The following NOC2L variants were observed in gnomAD, a reference collection of about 807,000 sequenced individuals.
NOC2L encodes nucleolar complex protein 2 homolog.
In NOC2L, 101 loss-of-function variants were observed where a neutral mutation model predicts 94.2. The observed-to-expected ratio is 1.07, with a 90% CI of 0.91 to 1.26. The LOEUF (loss-of-function observed/expected upper bound fraction) is 1.26, where lower values mean the gene tolerates loss of function less well. NOC2L is among the 50% of genes most tolerant of loss of function. The pLI, the probability that NOC2L is intolerant of heterozygous loss-of-function variation, is 0.00. For missense variants in NOC2L, 1,076 were observed against 980.1 expected (o/e 1.10, Z -1.31); for synonymous variants, 531 against 413.4 (o/e 1.28, Z -3.45).
chr1:957,554 G>GTGCCTGTGCCCTGCGCTACTTT (rs1642447221), intron 2 of NOC2L: 2 of 429,434 alleles, frequency 4.7e-6, no homozygotes, highest in African/African-American at 3.9e-5. Flanking sequence ...TGGACTTGCT[G>GTGCCTGTGCCCTGCGCTACTTT]TGCCTGTGCC....
intron 14 of NOC2L, among the ~76,000 whole-genome samples, 187 bp downstream of exon 14, chr1:947,944 C>A (rs1642161681): frequency 6.6e-6 from 1 of 152,178 alleles, no homozygotes; most frequent in Non-Finnish European, 1.5e-5. Flanking sequence ...GCCCCCAAAC[C>A]TCCTGAATGG....
At chr1:957,717 G>T (rs546429848) in intron 2 of NOC2L, 57 of 171,118 alleles carry the variant, frequency 3.3e-4, no homozygotes, top group Non-Finnish European at 6.2e-4. Context: ...CCACCACATA[G>T]TTCAATTCTC....
intron 13 of NOC2L, 115 bp downstream of exon 13, chr1:948,375 G>T: frequency 1.9e-6 from 2 of 1,032,686 alleles, no homozygotes; most frequent in South Asian, 1.4e-5. Flanking sequence ...AGCCCTGGGA[G>T]ACCATGAAGG....
chr1:951,385 C>A, intron 11 of NOC2L, 147 bp from the exon 12 acceptor site: 1 of 649,184 alleles, frequency 1.5e-6, no homozygotes, highest in East Asian at 2.7e-5. Context: ...GACCTGCACC[C>A]CTTGCCCAGC....
chr1:945,468 C>A (rs200515386), intron 17 of NOC2L, 50 bp downstream of exon 17: 1 of 1,605,898 alleles, frequency 6.2e-7, no homozygotes, highest in African/African-American at 1.3e-5. Flanking sequence ...GGAAGTCCAG[C>A]AGAGCCCTCC....
At chr1:952,239 C>T in intron 10 of NOC2L, 100 bp from the exon 11 acceptor site, 4 of 1,460,230 alleles carry the variant, frequency 2.7e-6, no homozygotes, top group Non-Finnish European at 3.8e-6. Flanking sequence ...TCATCTTGCA[C>T]ACGGGGTCTC....
intron 13 of NOC2L, 103 bp from the exon 14 acceptor site, chr1:948,335 C>T (rs547278409): frequency 1.2e-5 from 14 of 1,129,026 alleles, no homozygotes; most frequent in South Asian, 6.8e-5. Flanking sequence ...CTCCAGGGCA[C>T]GGACTGCAAG....
intron 2 of NOC2L, chr1:958,564 C>T: frequency 2.2e-6 from 1 of 453,046 alleles, no homozygotes; most frequent in South Asian, 1.8e-5. Context: ...CTCCTTCTAA[C>T]AGAGCAACTC....
At chr1:953,733 TG>T in intron 8 of NOC2L, 48 bp downstream of exon 8, 1 of 1,366,778 alleles carries the variant, frequency 7.3e-7, no homozygotes, top group South Asian at 1.2e-5. Context: ...GGTAGCCGTG[TG>T]GCCCCCCGAC....
In NOC2L at chr1:946,195, A is replaced by C. The variant is rs756597480; in HGVS notation, c.1895T>G (p.Leu632Arg). Residue 632 changes from leucine (L) to arginine (R), a missense_variant, in exon 16 of 19, where the codon CTG (leucine) becomes CGG (arginine). Leu to Arg is a moderately radical substitution (Grantham distance 102). Coordinates refer to ENST00000327044, the MANE Select transcript of NOC2L (RefSeq NM_015658.4). ...WRKLRDREIQLEISGKERLED... is the reference protein window; with the variant it reads ...WRKLRDREIQREISGKERLED... ...CACCCGCTCTTTGCCACTGATCTCC[A>C]GCTGGATCTCCCGGTCACGCAGCTT... is the stretch of plus-strand genomic sequence containing the variant. 1 of 1,612,770 alleles carries C rather than the reference A, an allele frequency of 6.2e-7. No homozygotes were observed.
At chr1:957,813 C>T (rs1642455385) in intron 2 of NOC2L, 2 of 159,670 alleles carry the variant, frequency 1.3e-5, no homozygotes, top group Non-Finnish European at 2.8e-5. Flanking sequence ...CCCTGTTTTA[C>T]GAGGCAATCT....
chr1:946,492 C>T lies in NOC2L; in HGVS notation c.1713G>A (p.Gln571=), dbSNP rs780911631. Residue 571 remains glutamine, a synonymous_variant, in exon 15 of 19, where the codon CAG becomes CAA. Coordinates refer to ENST00000327044, the MANE Select transcript of NOC2L (RefSeq NM_015658.4). ...TCTCCTGAACCTTCCCAAGCAGCTG[C>T]TGCACCTGCCGGCAGTAGTTGGCCA... ...CKVANYCRQV[Q]QLLGKVQENS... is the part of the protein sequence containing the mutation. 72 of 1,613,270 alleles carry T rather than the reference C, an allele frequency of 4.5e-5. No individual in the cohort carries two copies. Among genetic ancestry groups the T allele is most frequent in the Non-Finnish European group, 6.0e-5 (71 of 1,179,994 alleles).
In NOC2L at chr1:954,004, C is replaced by G. The variant is rs927491400; in HGVS notation, c.777G>C (p.Gln259His). Residue 259 changes from glutamine (Q) to histidine (H), a missense_variant and splice_region_variant, in exon 7 of 19, where the codon CAG (glutamine) becomes CAC (histidine). By Grantham distance (24) the Gln-to-His change is conservative. Coordinates refer to ENST00000327044, the MANE Select transcript of NOC2L (RefSeq NM_015658.4). ...DIKAYLGSAI[Q>H]LVSCLSETTV... ...CGTGCCCTCCCCACCAGAATAGCAC[C>G]TGTATGGCCGAGCCCAGGTAAGCCT... The G allele has an allele frequency of 6.2e-7, 1 of 1,605,704 alleles. No individual in the cohort carries two copies. Among genetic ancestry groups the G allele is most frequent in the African/African-American group, 1.3e-5 (1 of 74,834 alleles).
intron 13 of NOC2L, 62 bp from the exon 14 acceptor site, chr1:948,294 C>CAG: frequency 7.2e-7 from 1 of 1,387,208 alleles, no homozygotes; most frequent in Non-Finnish European, 1.0e-6. Context: ...CACTCAGGCC[C>CAG]CTTCCCCTCA....
At chr1:948,255 G>A (rs771838530) in intron 13 of NOC2L, 23 bp from the exon 14 acceptor site, 23 of 1,539,828 alleles carry the variant, frequency 1.5e-5, no homozygotes, top group African/African-American at 4.1e-5. Flanking sequence ...AGAGAGGGCC[G>A]AGTGCATCAG....
In NOC2L at chr1:944,741, C is replaced by T. The variant is rs961028131; in HGVS notation, c.2203G>A (p.Gly735Arg). Residue 735 changes from glycine to arginine, a missense_variant, in exon 19 of 19, where the codon GGG (glycine) becomes AGG (arginine). Gly to Arg is a moderately radical substitution (Grantham distance 125, BLOSUM62 -2). Transcript: ENST00000327044. ...AGATCCTCCAGCTCGTCCTCCGGCC[C>T]CTGGGCCAGCTGCTGCAGCTCCCCA... ...APGELQQLAQ[G>R]PEDELEDLQL... is the part of the protein sequence containing the mutation. 1.2e-6 allele frequency: 2 copies of T among 1,600,954 alleles called. No homozygotes were observed. The highest frequency in any genetic ancestry group is 2.7e-5 in the African/African-American group (2 of 74,846).
At position 952,336 on chromosome 1, in the gene NOC2L, G is replaced by A. The variant is rs978808192; in HGVS notation, c.1191+76C>T. 5 of 1,551,676 alleles carry A rather than the reference G, an allele frequency of 3.2e-6. No individual in the cohort carries two copies. The East Asian group carries it at 6.8e-5, about 21-fold the overall frequency. ...AGACAGGGGCTTCGGGGAGGCCCCA[G>A]GCCCTGCCTTGGGTCGGGCACCTGG... On this transcript the variant is annotated intron_variant, in intron 10 of 18. Coordinates refer to ENST00000327044, the MANE Select transcript of NOC2L (RefSeq NM_015658.4).
Position 945,048 on chromosome 1 carries a change from A to C in NOC2L, c.2143+9T>G. 1 of 1,613,866 alleles carries C rather than the reference A, an allele frequency of 6.2e-7. No individual in the cohort carries two copies. The highest frequency in any genetic ancestry group is 8.5e-7 in the Non-Finnish European group (1 of 1,179,892). On this transcript the variant is annotated intron_variant, in intron 18 of 18. Coordinates refer to ENST00000327044, the MANE Select transcript of NOC2L (RefSeq NM_015658.4). The stretch of plus-strand genomic sequence containing the variant: ...CAGGGCCACACCCTCTCACCCCAAG[A>C]CCATTCACCCTCCGAGTTGCTGCTG...
chr1:946,060 C>T (rs1642099200), intron 16 of NOC2L, 113 bp downstream of exon 16: 3 of 802,136 alleles, frequency 3.7e-6, no homozygotes, highest in Admixed American at 2.4e-5. Context: ...CGGGCACGGC[C>T]CTGGCCGCCT....
Sources: gnomAD v4.1 joint callset for allele counts (sites outside exome capture counted in the v4.1 genomes callset) on GRCh38, gnomAD v4.1.1 for gene constraint, MANE v1.5 for transcripts, NCBI Gene and HGNC (gene_info 2026-07-23, HGNC 2026-07-21) for gene names.